Variants in FA2H observed in about 807,000 individuals in gnomAD.
FA2H encodes fatty acid 2-hydroxylase, also known as fatty acid alpha-hydroxylase.
Under a neutral mutation model 44.9 loss-of-function variants are expected in FA2H, and 22 were observed. The ratio of observed to expected loss-of-function variants is 0.49; its 90% confidence interval spans 0.35 to 0.70. The LOEUF (loss-of-function observed/expected upper bound fraction) is 0.70, where lower values mean the gene tolerates loss of function less well. Ranked by LOEUF, FA2H falls within the 30% of genes least tolerant of loss-of-function variation. The pLI, the probability that FA2H is intolerant of heterozygous loss-of-function variation, is 0.01. For missense variants in FA2H, 501 were observed against 504.9 expected, an observed-to-expected ratio of 0.99 and a Z score of 0.07; for synonymous variants, 243 against 213.2, an observed-to-expected ratio of 1.14 and a Z score of -1.22.
At chr16:74,735,240 C>T (rs924644942) in intron 2 of FA2H, among the ~76,000 whole-genome samples, 13 of 152,168 alleles carry the variant, frequency 8.5e-5, no homozygotes, top group African/African-American at 2.2e-4. Flanking sequence ...CTCAGCACAA[C>T]GGCTGTGATT....
chr16:74,730,530 C>T (rs1337075771), intron 2 of FA2H, among the ~76,000 whole-genome samples: 1 of 150,798 alleles, frequency 6.6e-6, no homozygotes, highest in Non-Finnish European at 1.5e-5. Context: ...AGTCCTCTGC[C>T]CTAGGTCTGT....
At chr16:74,714,385 C>T in intron 6 of FA2H, 116 bp from the exon 7 acceptor site, 1 of 741,760 alleles carries the variant, frequency 1.3e-6, no homozygotes, top group Non-Finnish European at 2.4e-6. Context: ...TATCTGTCCC[C>T]TTGGCCTTCC....
intron 1 of FA2H, among the ~76,000 whole-genome samples, chr16:74,770,184 C>G (rs892827506): frequency 1.3e-5 from 2 of 152,236 alleles, no homozygotes; most frequent in Non-Finnish European, 2.9e-5. Flanking sequence ...CCTCCAGAGA[C>G]AGGGGGCTCT....
intron 1 of FA2H, among the ~76,000 whole-genome samples, chr16:74,770,326 G>A (rs1016115748): frequency 6.6e-6 from 1 of 152,232 alleles, no homozygotes; most frequent in Admixed American, 6.5e-5. Context: ...CTCTTTGAAA[G>A]GATATCCCAC....
Position 74,714,214 on chromosome 16 carries a change from C to T in FA2H, c.1095G>A (p.Glu365=), listed in dbSNP as rs1163628805. Residue 365 remains glutamate, a synonymous_variant, in exon 7 of 7, where the codon GAG becomes GAA. Coordinates refer to ENST00000219368, the MANE Select transcript of FA2H (RefSeq NM_024306.5). The part of the protein sequence containing the change: ...WDYCFHTLTP[E]KPHLKTQ ...GTCACTGCGTCTTCAGGTGGGGTTT[C>T]TCTGGAGTGAGGGTGTGGAAACAGT... 4 of 1,566,120 alleles carry T rather than the reference C, an allele frequency of 2.6e-6. No individual in the cohort carries two copies. The highest frequency in any genetic ancestry group is 3.5e-6 in the Non-Finnish European group (4 of 1,155,026).
At chr16:74,762,209 AT>A in intron 1 of FA2H, among the ~76,000 whole-genome samples, 1 of 152,198 alleles carries the variant, frequency 6.6e-6, no homozygotes, top group South Asian at 2.1e-4. Context: ...AGTCTGGCTA[AT>A]TTTTTTGGAT....
At chr16:74,746,378 ATT>A (rs920013678) in intron 1 of FA2H, among the ~76,000 whole-genome samples, 149 of 72,586 alleles carry the variant, frequency 2.1e-3, no homozygotes, top group Admixed American at 4.2e-3. Context: ...TATTATTATT[ATT>A]TTTTTTTTGG....
At chr16:74,768,297 T>C (rs1962845498) in intron 1 of FA2H, among the ~76,000 whole-genome samples, 1 of 152,216 alleles carries the variant, frequency 6.6e-6, no homozygotes, top group African/African-American at 2.4e-5. Flanking sequence ...ATTCACTGAA[T>C]TGTGGGGTGA....
intron 1 of FA2H, among the ~76,000 whole-genome samples, chr16:74,751,256 G>A (rs1395428251): frequency 6.6e-6 from 1 of 151,858 alleles, no homozygotes; most frequent in Non-Finnish European, 1.5e-5. Flanking sequence ...CACCATGCCT[G>A]ACTAATTTTT....
In FA2H at chr16:74,735,792, C is replaced by T. The variant is rs532923963; in HGVS notation, c.363+4231G>A. ...GCTGGGAGTTTGAGACCAGCCTGGACAACATAGCAAGACCCTATCTCTACA... is the reference window on the plus strand; with the variant it reads ...GCTGGGAGTTTGAGACCAGCCTGGATAACATAGCAAGACCCTATCTCTACA... On this transcript the variant is annotated intron_variant, in intron 2 of 6. Coordinates refer to ENST00000219368, the MANE Select transcript of FA2H (RefSeq NM_024306.5). Among the ~76,000 whole-genome samples, 290 of 152,160 alleles carry T rather than the reference C, an allele frequency of 1.9e-3. 1 individual carries two copies. Among genetic ancestry groups the T allele is most frequent in the African/African-American group, 6.5e-3 (271 of 41,508 alleles).
At chr16:74,743,038 T>C (rs1010230326) in intron 1 of FA2H, among the ~76,000 whole-genome samples, 3 of 152,190 alleles carry the variant, frequency 2.0e-5, no homozygotes, top group Non-Finnish European at 2.9e-5. Context: ...TTTATAGATA[T>C]AGGGTCTCTC....
Position 74,726,098 on chromosome 16 carries a change from G to A in FA2H, c.613+127C>T, listed in dbSNP as rs898451425. ...TTTGGAAGACTATTTCTACAGAGAG[G>A]CTTCACCAAAAATGTCTGTGATGTA... On this transcript the variant is annotated intron_variant, in intron 4 of 6. Transcript: ENST00000219368. 9 of 710,230 alleles carry A rather than the reference G, an allele frequency of 1.3e-5. No individual in the cohort carries two copies. The African/African-American group carries it at 1.4e-4, about 11-fold the overall frequency. 44.0% of individuals were successfully genotyped at this position (710,230 alleles called of 1,614,324 possible).
chr16:74,725,043 T>G lies in FA2H; in HGVS notation c.613+1182A>C, dbSNP rs574692063. On this transcript the variant is annotated intron_variant, in intron 4 of 6. Transcript: ENST00000219368. ...AGTGGGTGATTCAGCGAGCAGGCCTTCTGAGCAACAAGCTCCGTGCTGTGC... is the reference window on the plus strand; with the variant it reads ...AGTGGGTGATTCAGCGAGCAGGCCTGCTGAGCAACAAGCTCCGTGCTGTGC... Among the ~76,000 whole-genome samples, 9 of 152,242 alleles carry G rather than the reference T, an allele frequency of 5.9e-5. No homozygotes were observed. In the South Asian group the frequency reaches 1.7e-3, roughly 28 times the overall value.
rs867338122 is a variant in FA2H at position 74,727,370 on chromosome 16, C to T, written c.380G>A (p.Arg127Gln). 9.9e-6 allele frequency: 16 copies of T among 1,614,130 alleles called. No individual in the cohort carries two copies. The highest frequency in any genetic ancestry group is 3.3e-5 in the South Asian group (3 of 91,088). ...GCCCACCTGCCACAGGAGAGGCTTT[C>T]GCCAGTCCACCAGGTCCTGCAAGAG... Reference protein sequence around the residue: ...VDWDKDLVDWRKPLLWQVGHL... With the variant: ...VDWDKDLVDWQKPLLWQVGHL... Residue 127 changes from arginine (R) to glutamine (Q), a missense_variant, in exon 3 of 7, where the codon CGA becomes CAA. Coordinates refer to ENST00000219368, the MANE Select transcript of FA2H (RefSeq NM_024306.5).
intron 1 of FA2H, among the ~76,000 whole-genome samples, chr16:74,765,632 G>C (rs1267745183): frequency 1.3e-5 from 2 of 152,066 alleles, no homozygotes; most frequent in Non-Finnish European, 2.9e-5. Context: ...AAATGGTGCA[G>C]TCACGGCTCA....
At position 74,716,473 on chromosome 16, in the gene FA2H, G is replaced by A. The variant is rs1187971810; in HGVS notation, c.913C>T (p.Leu305Phe). The A allele has an allele frequency of 6.2e-7, 1 of 1,613,884 alleles. No homozygotes were observed. Among genetic ancestry groups the A allele is most frequent in the East Asian group, 2.2e-5 (1 of 44,784 alleles). The change falls in exon 6 of 7, where the codon CTC (leucine) becomes TTC (phenylalanine). Residue 305 changes from leucine to phenylalanine, a missense_variant. Physicochemically the swap from Leu to Phe is conservative, Grantham distance 22. Coordinates refer to ENST00000219368, the MANE Select transcript of FA2H (RefSeq NM_024306.5). ...ATGTCATAGAGGACGTAGCCCAGGA[G>A]GCCCCCCGCAAACACAGTGCCCCCT... ...AVGGTVFAGG[L>F]LGYVLYDMTH...
At chr16:74,757,119 T>G (rs529609295) in intron 1 of FA2H, among the ~76,000 whole-genome samples, 13 of 150,970 alleles carry the variant, frequency 8.6e-5, no homozygotes, top group African/African-American at 2.9e-4. Context: ...AAAAACAGGC[T>G]AATACCCTTT....
At chr16:74,766,054 T>C (rs1413462966) in intron 1 of FA2H, among the ~76,000 whole-genome samples, 1 of 151,982 alleles carries the variant, frequency 6.6e-6, no homozygotes, top group East Asian at 1.9e-4. Context: ...ACACCTGTGA[T>C]CCCAGCACTT....
At chr16:74,724,661 ATC>A (rs1345165318) in intron 4 of FA2H, among the ~76,000 whole-genome samples, 2 of 152,112 alleles carry the variant, frequency 1.3e-5, no homozygotes, top group Non-Finnish European at 2.9e-5. Flanking sequence ...TGGAGACGTT[ATC>A]TCTCATGCCC....
Sources: allele counts gnomAD v4.1 joint callset (sites outside exome capture counted in the v4.1 genomes callset), GRCh38; gene constraint gnomAD v4.1.1; transcripts MANE v1.5; gene names NCBI Gene and HGNC (gene_info 2026-07-23, HGNC 2026-07-21).